AUTS2: variants seen among roughly 807,000 people sequenced by gnomAD.
The protein encoded by AUTS2 is activator of transcription and developmental regulator AUTS2.
A neutral mutation model predicts 112.4 loss-of-function variants in AUTS2; 17 were observed. That is an observed-to-expected ratio of 0.15 (90% confidence interval 0.10 to 0.23). The LOEUF (loss-of-function observed/expected upper bound fraction) is 0.23, where lower values mean the gene tolerates loss of function less well. Among genes scored for constraint, AUTS2 ranks in the 10% least tolerant of loss-of-function variants. The pLI is 1.00. For synonymous variants in AUTS2, 751 were observed against 702.7 expected (o/e 1.07, Z -1.09); for missense variants, 1,510 against 1,701.6 (o/e 0.89, Z 1.98).
chr7:70,103,611 ATTG>A (rs1804612941), intron 2 of AUTS2, among the ~76,000 whole-genome samples: 2 of 152,158 alleles, frequency 1.3e-5, no homozygotes, highest in African/African-American at 4.8e-5. Flanking sequence ...TTATTAGAAA[ATTG>A]TATAACAGTA....
chr7:70,189,069 C>T (rs113847131), intron 4 of AUTS2, among the ~76,000 whole-genome samples: 2 of 152,228 alleles, frequency 1.3e-5, no homozygotes, highest in African/African-American at 4.8e-5. Context: ...AAAAGAAAGA[C>T]CATCAATTTA....
intron 1 of AUTS2, among the ~76,000 whole-genome samples, chr7:69,776,421 T>G (rs893405759): frequency 3.9e-5 from 6 of 152,100 alleles, no homozygotes; most frequent in African/African-American, 1.4e-4. Flanking sequence ...AATGTAAATT[T>G]TTTTGTTTTT....
intron 2 of AUTS2, among the ~76,000 whole-genome samples, chr7:69,902,540 A>G (rs1419036866): frequency 2.6e-5 from 4 of 152,200 alleles, no homozygotes; most frequent in African/African-American, 9.7e-5. Flanking sequence ...TTAGGTTTGC[A>G]TCTTATTAGG....
chr7:70,462,861 G>T (rs1043116646), intron 5 of AUTS2, among the ~76,000 whole-genome samples: 1 of 152,122 alleles, frequency 6.6e-6, no homozygotes, highest in Non-Finnish European at 1.5e-5. Flanking sequence ...GGAGGCTGAG[G>T]CAGGGAGAAT....
intron 1 of AUTS2, among the ~76,000 whole-genome samples, chr7:69,736,035 C>T (rs1367648751): frequency 2.6e-5 from 4 of 152,166 alleles, no homozygotes; most frequent in Non-Finnish European, 5.9e-5. Context: ...ATTTCCAGTA[C>T]GTAGACTAGC....
chr7:70,400,782 G>A (rs934887319), intron 4 of AUTS2, among the ~76,000 whole-genome samples: 4 of 152,124 alleles, frequency 2.6e-5, no homozygotes, highest in African/African-American at 4.8e-5. Context: ...CTGGGAGCTT[G>A]TTAAAAAATA....
At chr7:70,166,771 G>A (rs1008982092) in intron 4 of AUTS2, among the ~76,000 whole-genome samples, 7 of 152,024 alleles carry the variant, frequency 4.6e-5, no homozygotes, top group Non-Finnish European at 1.0e-4. Flanking sequence ...ATCATCCTTA[G>A]CAATAATTAC....
intron 1 of AUTS2, among the ~76,000 whole-genome samples, chr7:69,602,038 ATATGTGTGTG>A (rs1311137636): frequency 1.6e-3 from 16 of 10,042 alleles, no homozygotes; most frequent in Non-Finnish European, 8.6e-4. Context: ...ATATATATAT[ATATGTGTGTG>A]TGTGTGTGTG....
chr7:70,620,374 G>A (rs887074349), intron 5 of AUTS2, among the ~76,000 whole-genome samples: 9 of 152,170 alleles, frequency 5.9e-5, no homozygotes, highest in South Asian at 4.1e-4. Context: ...CCAGCGGAGC[G>A]TGTAGCCGTA....
At chr7:70,336,176 G>A (rs1406326414) in intron 4 of AUTS2, among the ~76,000 whole-genome samples, 1 of 152,028 alleles carries the variant, frequency 6.6e-6, no homozygotes, top group African/African-American at 2.4e-5. Context: ...TTAACAGTTA[G>A]GAAAGCCATA....
chr7:69,805,922 A>G (rs1790281450), intron 1 of AUTS2, among the ~76,000 whole-genome samples: 1 of 152,108 alleles, frequency 6.6e-6, no homozygotes, highest in African/African-American at 2.4e-5. Flanking sequence ...TTTTTGAGAC[A>G]GGGTCTTACT....
intron 4 of AUTS2, among the ~76,000 whole-genome samples, chr7:70,257,780 G>C (rs1262166533): frequency 6.6e-6 from 1 of 152,002 alleles, no homozygotes; most frequent in African/African-American, 2.4e-5. Flanking sequence ...TTTATTCTGA[G>C]GCTACTACTA....
intron 5 of AUTS2, among the ~76,000 whole-genome samples, chr7:70,607,317 A>G (rs1320432607): frequency 6.6e-6 from 1 of 152,206 alleles, no homozygotes. Context: ...GTGTTGGGAT[A>G]TATGATCAAT....
At chr7:70,663,474 G>A (rs1207862725) in intron 5 of AUTS2, among the ~76,000 whole-genome samples, 3 of 152,160 alleles carry the variant, frequency 2.0e-5, no homozygotes, top group African/African-American at 4.8e-5. Context: ...TCAATGGAAC[G>A]GACGTTGACT....
intron 4 of AUTS2, among the ~76,000 whole-genome samples, chr7:70,356,223 A>G (rs1033091910): frequency 6.6e-6 from 1 of 152,180 alleles, no homozygotes; most frequent in Admixed American, 6.5e-5. Context: ...GTCTCTGTGA[A>G]CACTCATTAG....
intron 3 of AUTS2, among the ~76,000 whole-genome samples, chr7:70,129,365 C>T (rs1806146680): frequency 6.6e-6 from 1 of 152,192 alleles, no homozygotes; most frequent in Non-Finnish European, 1.5e-5. Context: ...GGATAAGTCT[C>T]ACCCATTTTA....
intron 2 of AUTS2, among the ~76,000 whole-genome samples, chr7:70,108,383 GA>G (rs1804883696): frequency 6.6e-6 from 1 of 152,032 alleles, no homozygotes; most frequent in Non-Finnish European, 1.5e-5. Context: ...GCTTTTTCCA[GA>G]AACAAAGTTT....
At chr7:70,712,192 ACT>A (rs1810092780) in intron 6 of AUTS2, among the ~76,000 whole-genome samples, 1 of 83,010 alleles carries the variant, frequency 1.2e-5, no homozygotes, top group Non-Finnish European at 2.1e-5. Context: ...TGCCTGGCTC[ACT>A]TTTTTTTTTT....
At chr7:69,979,846 T>C (rs1203180717) in intron 2 of AUTS2, among the ~76,000 whole-genome samples, 3 of 152,366 alleles carry the variant, frequency 2.0e-5, no homozygotes, top group East Asian at 1.9e-4. Flanking sequence ...ATTCACATAT[T>C]CGCCTTGTTT....
Sources: allele counts gnomAD v4.1 joint callset (sites outside exome capture counted in the v4.1 genomes callset), GRCh38; gene constraint gnomAD v4.1.1; transcripts MANE v1.5; gene names NCBI Gene and HGNC (gene_info 2026-07-23, HGNC 2026-07-21).